Variants in VPS53 observed in about 807,000 individuals in gnomAD.
VPS53 encodes VPS53 subunit of GARP complex.
A neutral mutation model predicts 107.0 loss-of-function variants in VPS53; 70 were observed. That is an observed-to-expected ratio of 0.65 (90% confidence interval 0.54 to 0.80). The LOEUF (loss-of-function observed/expected upper bound fraction) is 0.80. Ranked by LOEUF, VPS53 falls within the 30% of genes least tolerant of loss-of-function variation. The probability of loss-of-function intolerance (pLI) is 0.00; values close to 1 mark genes in which losing one functional copy is unlikely to be tolerated. For missense variants in VPS53, 917 were observed against 1,049.4 expected, an observed-to-expected ratio of 0.87 and a Z score of 1.74; for synonymous variants, 409 against 393.3, an observed-to-expected ratio of 1.04 and a Z score of -0.47.
At position 518,761 on chromosome 17, in the gene VPS53, T is replaced by C. The variant is rs7213190; in HGVS notation, c.*367A>G. 19,926 of 110,318 alleles carry C rather than the reference T, an allele frequency of 0.18. 3,586 individuals are homozygous for C. Among genetic ancestry groups the C allele is most frequent in the African/African-American group, 0.49 (13,716 of 28,058 alleles). The allele number at this position is 110,318 out of a possible 1,614,324, so 6.8% of individuals were successfully genotyped here. A position where few individuals can be genotyped will look rare whatever the true frequency, so the allele number is the denominator to read the frequency against. On this transcript the variant is annotated 3_prime_UTR_variant, in exon 22 of 22. Transcript: ENST00000437048. ...CAGCCTGGGTGACAGAGCGAGACTC[T>C]GTCTCAAAAAAAAAAAAAAAAAAAA...
At chr17:558,261 A>G (rs1200856376) in intron 15 of VPS53, among the ~76,000 whole-genome samples, 7 of 152,204 alleles carry the variant, frequency 4.6e-5, no homozygotes, top group Non-Finnish European at 1.0e-4. Context: ...AGGTCAGGAG[A>G]TTGAGACCAT....
intron 17 of VPS53, among the ~76,000 whole-genome samples, chr17:550,107 C>T (rs182348305): frequency 1.3e-5 from 2 of 152,302 alleles, no homozygotes; most frequent in Admixed American, 6.5e-5. Context: ...CCCGCCCGTT[C>T]CATGTTTCAT....
intron 7 of VPS53, among the ~76,000 whole-genome samples, chr17:634,934 T>A (rs553225939): frequency 6.6e-6 from 1 of 151,730 alleles, no homozygotes; most frequent in African/African-American, 2.4e-5. Context: ...CTGGGTCAAA[T>A]GGTATTTCTA....
chr17:623,382 G>C, intron 11 of VPS53, 151 bp downstream of exon 11: 2 of 885,752 alleles, frequency 2.3e-6, no homozygotes, highest in Non-Finnish European at 3.4e-6. Flanking sequence ...AGAGTGTTCT[G>C]TATCATCACT....
At chr17:691,971 T>G (rs998646235) in intron 4 of VPS53, among the ~76,000 whole-genome samples, 1 of 152,224 alleles carries the variant, frequency 6.6e-6, no homozygotes, top group African/African-American at 2.4e-5. Context: ...GGTCTTGGAA[T>G]GTATCCCCCA....
chr17:563,630 G>A (rs955567858), intron 13 of VPS53, among the ~76,000 whole-genome samples: 1 of 152,154 alleles, frequency 6.6e-6, no homozygotes, highest in African/African-American at 2.4e-5. Flanking sequence ...TACATAGTAT[G>A]TATTATTACT....
intron 7 of VPS53, among the ~76,000 whole-genome samples, chr17:648,632 C>T (rs1970798817): frequency 6.6e-6 from 1 of 151,938 alleles, no homozygotes; most frequent in Admixed American, 6.6e-5. Context: ...GAAAGAATTG[C>T]CATGCTGAAC....
intron 12 of VPS53, among the ~76,000 whole-genome samples, chr17:596,986 C>T (rs1260788588): frequency 6.6e-6 from 1 of 152,144 alleles, no homozygotes; most frequent in African/African-American, 2.4e-5. Context: ...TAAATCGAAC[C>T]GCTCGGATCA....
At chr17:574,780 A>G (rs1400259882) in intron 13 of VPS53, among the ~76,000 whole-genome samples, 22 of 152,194 alleles carry the variant, frequency 1.4e-4, no homozygotes, top group Non-Finnish European at 7.3e-5. Flanking sequence ...AATAAATAAA[A>G]ATAAACCCTG....
chr17:697,378 C>T (rs368818441), intron 4 of VPS53, 40 bp downstream of exon 4: 7 of 1,565,832 alleles, frequency 4.5e-6, no homozygotes, highest in Middle Eastern at 3.4e-4. Context: ...CCGGGAGAAA[C>T]CAGGGGAGCA....
chr17:673,415 C>T (rs1204116340), intron 4 of VPS53, among the ~76,000 whole-genome samples: 3 of 152,194 alleles, frequency 2.0e-5, no homozygotes, highest in African/African-American at 7.2e-5. Context: ...AACAATGCAG[C>T]CCGCTCTCCA....
At chr17:609,925 C>T (rs1355522969) in intron 11 of VPS53, among the ~76,000 whole-genome samples, 17 of 151,776 alleles carry the variant, frequency 1.1e-4, no homozygotes, top group Admixed American at 6.6e-4. Flanking sequence ...GTCAGGAGAT[C>T]GAGACCCTCC....
At chr17:620,603 G>C (rs551538471) in intron 11 of VPS53, among the ~76,000 whole-genome samples, 7 of 152,050 alleles carry the variant, frequency 4.6e-5, no homozygotes, top group African/African-American at 1.7e-4. Context: ...GCAGGTAAAC[G>C]CACCTAATAT....
intron 10 of VPS53, among the ~76,000 whole-genome samples, chr17:626,839 G>A (rs1185351680): frequency 2.0e-5 from 3 of 152,174 alleles, no homozygotes; most frequent in Non-Finnish European, 4.4e-5. Context: ...ATGATGATGG[G>A]ATATATACAC....
chr17:627,177 G>A lies in VPS53; in HGVS notation c.971C>T (p.Thr324Ile). ...CCAGTAGAGAACTGGCATCTACCTT[G>A]TCACATGGCAAAATTCCACCGCAAT... ...ERIAVEFCHV[T>I]RAELAKIMRT... Residue 324 changes from threonine to isoleucine, a missense_variant, in exon 10 of 22, where the codon ACA becomes ATA. Physicochemically the swap from Thr to Ile is moderately conservative, Grantham distance 89. Coordinates refer to ENST00000437048, the MANE Select transcript of VPS53 (RefSeq NM_001128159.3). The A allele has an allele frequency of 1.2e-6, 2 of 1,612,434 alleles. No individual in the cohort carries two copies. Among genetic ancestry groups the A allele is most frequent in the Non-Finnish European group, 8.5e-7 (1 of 1,179,450 alleles).
chr17:699,304 TA>T, intron 3 of VPS53, 26 bp downstream of exon 3: 1 of 1,507,846 alleles, frequency 6.6e-7, no homozygotes, highest in Non-Finnish European at 8.8e-7. Flanking sequence ...TTTCATTAAT[TA>T]TGAACAATCA....
chr17:541,006 G>A (rs1050544539), intron 17 of VPS53, among the ~76,000 whole-genome samples: 7 of 152,196 alleles, frequency 4.6e-5, no homozygotes, highest in African/African-American at 1.7e-4. Context: ...AGGAAGCTTG[G>A]AAAGAGGTTT....
At chr17:697,168 G>C (rs559392527) in intron 4 of VPS53, among the ~76,000 whole-genome samples, 1 of 152,328 alleles carries the variant, frequency 6.6e-6, no homozygotes, top group East Asian at 1.9e-4. Flanking sequence ...CGACACGAAG[G>C]AGAAAGACAA....
At chr17:546,056 T>C (rs1420381194) in intron 17 of VPS53, among the ~76,000 whole-genome samples, 2 of 152,168 alleles carry the variant, frequency 1.3e-5, no homozygotes, top group African/African-American at 4.8e-5. Flanking sequence ...CCCACACATC[T>C]ATGGTTAACT....
Sources: gnomAD v4.1 joint callset for allele counts (sites outside exome capture counted in the v4.1 genomes callset) on GRCh38, gnomAD v4.1.1 for gene constraint, MANE v1.5 for transcripts, NCBI Gene and HGNC (gene_info 2026-07-23, HGNC 2026-07-21) for gene names.